Variants in CCDC7 observed in about 807,000 individuals in gnomAD.
The protein encoded by CCDC7 is coiled-coil domain containing 7.
CCDC7 carries 183 observed loss-of-function variants against 196.9 expected under a neutral mutation model. That is an observed-to-expected ratio of 0.93 (90% CI 0.82 to 1.05). The LOEUF (loss-of-function observed/expected upper bound fraction) is 1.05. CCDC7 is among the 50% of genes least tolerant of loss of function. The pLI, the probability that CCDC7 is intolerant of heterozygous loss-of-function variation, is 0.00. For synonymous variants in CCDC7, 525 were observed against 484.6 expected, an observed-to-expected ratio of 1.08 and a Z score of -1.10; for missense variants, 1,540 against 1,482.2, an observed-to-expected ratio of 1.04 and a Z score of -0.64.
exon 15 of CCDC7, chr10:32,567,808 C>A: frequency 6.2e-7 from 1 of 1,613,388 alleles, no homozygotes; most frequent in Non-Finnish European, 8.5e-7. Context: ...AAAAAATATA[C>A]CATTGGAGAA....
At chr10:32,773,927 GT>G (rs2079559860) in intron 28 of CCDC7, among the ~76,000 whole-genome samples, 1 of 152,100 alleles carries the variant, frequency 6.6e-6, no homozygotes, top group South Asian at 2.1e-4. Context: ...CTGCCCTGTT[GT>G]TTTCAAGTCT....
rs567652496 is a variant in CCDC7, at chr10:32,681,237, G to A, written c.2123-4733G>A. Among the ~76,000 whole-genome samples, 110 of 152,250 alleles carry A rather than the reference G, an allele frequency of 7.2e-4. 1 individual carries two copies. The highest frequency in any genetic ancestry group is 3.4e-3 in the Middle Eastern group (1 of 294). ...ATTTGTCAGTTAATATCTGAATTTTGTGGTGGGCCAATTGACTGGACCTGT... is the reference window on the plus strand; with the variant it reads ...ATTTGTCAGTTAATATCTGAATTTTATGGTGGGCCAATTGACTGGACCTGT... On this transcript the variant is annotated intron_variant, in intron 21 of 41. Coordinates refer to ENST00000639629, the Ensembl canonical transcript of CCDC7.
At position 32,845,842 on chromosome 10, in the gene CCDC7, A is replaced by G. The variant is rs752502168; in HGVS notation, c.3521-34A>G. 1.6e-5 allele frequency: 24 copies of G among 1,501,108 alleles called. No homozygotes were observed. In the South Asian group the frequency reaches 2.7e-4, roughly 17 times the overall value. 93.0% of individuals were successfully genotyped at this position (1,501,108 alleles called of 1,614,324 possible). On this transcript the variant is annotated intron_variant, in intron 35 of 41. Transcript: ENST00000639629. Reference sequence around the variant, plus strand: ...ACAGAGGTATGGTAATGTTTACCTTATAAAATATATTGAAATCTGTTTTAT... The same window carrying G: ...ACAGAGGTATGGTAATGTTTACCTTGTAAAATATATTGAAATCTGTTTTAT...
intron 8 of CCDC7, among the ~76,000 whole-genome samples, chr10:32,482,355 T>A (rs912771031): frequency 6.6e-6 from 1 of 151,060 alleles, no homozygotes; most frequent in Non-Finnish European, 1.5e-5. Context: ...TTTTATTCTT[T>A]ATTCTTTTTT....
intron 8 of CCDC7, among the ~76,000 whole-genome samples, chr10:32,485,696 GTCTTTGTTCTTGTTGGTTTCAAAGAACA>G: frequency 6.6e-6 from 1 of 152,280 alleles, no homozygotes; most frequent in South Asian, 2.1e-4. Context: ...AGGATGTTAT[GTCTTTGTTCTTGTTGGTTTCAAAGAACA>G]TCTTTATTCC....
intron 21 of CCDC7, among the ~76,000 whole-genome samples, chr10:32,668,940 G>A (rs889442430): frequency 2.0e-5 from 3 of 152,084 alleles, no homozygotes; most frequent in Non-Finnish European, 4.4e-5. Context: ...CTGTAGAATA[G>A]AAGTGGTAAG....
At position 32,452,038 on chromosome 10, in the gene CCDC7, T is replaced by C. The variant is rs1047115617; in HGVS notation, c.279+117T>C. The C allele has an allele frequency of 3.7e-6, 5 of 1,359,128 alleles. No individual in the cohort carries two copies. In the African/African-American group the frequency reaches 7.4e-5, roughly 20 times the overall value. 84.2% of individuals were successfully genotyped at this position (1,359,128 alleles called of 1,614,324 possible). On this transcript the variant is annotated intron_variant, in intron 1 of 41. Coordinates refer to ENST00000639629, the Ensembl canonical transcript of CCDC7. The stretch of plus-strand genomic sequence containing the variant: ...AGTCATACCGATGGCTAAGATTTAT[T>C]ACAGTAGGCACATGAGGTGAAATTA...
At chr10:32,704,678 C>CT (rs1163438035) in intron 24 of CCDC7, among the ~76,000 whole-genome samples, 4 of 152,118 alleles carry the variant, frequency 2.6e-5, no homozygotes, top group Admixed American at 1.3e-4. Context: ...ATCCCAGCCG[C>CT]TTTTTTTAGC....
intron 40 of CCDC7, among the ~76,000 whole-genome samples, chr10:32,852,462 TC>T (rs2093600053): frequency 6.6e-6 from 1 of 152,200 alleles, no homozygotes; most frequent in Non-Finnish European, 1.5e-5. Flanking sequence ...TGGTACATTT[TC>T]TACAGTTAAT....
chr10:32,879,583 C>T (rs779046910), downstream of CCDC7, among the ~76,000 whole-genome samples: 4 of 151,970 alleles, frequency 2.6e-5, no homozygotes, highest in East Asian at 1.9e-4. Context: ...TCCTCTTGAC[C>T]GAATGGAGGC....
chr10:32,821,766 A>G lies in CCDC7; in HGVS notation c.3182-2752A>G, dbSNP rs551292413. On this transcript the variant is annotated intron_variant, in intron 31 of 41. Coordinates refer to ENST00000639629, the Ensembl canonical transcript of CCDC7. Reference sequence around the variant, plus strand: ...CATAGGTGGGAATTGAACAATGAGAACACTTGGACACAGGAAGGGGAACAT... The same window carrying G: ...CATAGGTGGGAATTGAACAATGAGAGCACTTGGACACAGGAAGGGGAACAT... 8.5e-5 allele frequency among the ~76,000 whole-genome samples: 13 copies of G among 152,130 alleles called. No homozygotes were observed. The South Asian group carries it at 2.5e-3, about 29-fold the overall frequency.
intron 18 of CCDC7, among the ~76,000 whole-genome samples, chr10:32,603,733 C>T (rs1300073804): frequency 1.3e-5 from 2 of 151,888 alleles, no homozygotes; most frequent in African/African-American, 4.8e-5. Flanking sequence ...TAAATATTTG[C>T]TGCCTGCTTG....
Position 32,461,126 on chromosome 10 carries a change from A to C in CCDC7, c.457-1557A>C, listed in dbSNP as rs568021238. Among the ~76,000 whole-genome samples, 4 of 152,266 alleles carry C rather than the reference A, an allele frequency of 2.6e-5. No individual in the cohort carries two copies. In the South Asian group the frequency reaches 8.3e-4, roughly 31 times the overall value. The stretch of plus-strand genomic sequence containing the variant: ...GTAATCACTTTAACATTAGATATTT[A>C]AATGGTAAATACTGATATTTTGAAC... On this transcript the variant is annotated intron_variant, in intron 3 of 41. Coordinates refer to ENST00000639629, the Ensembl canonical transcript of CCDC7.
At chr10:32,654,731 T>TGAGGTTTGCTCAGAACTGACCCTGAG (rs1237039897) in intron 20 of CCDC7, among the ~76,000 whole-genome samples, 1 of 152,206 alleles carries the variant, frequency 6.6e-6, no homozygotes, top group Non-Finnish European at 1.5e-5. Flanking sequence ...CTTCATTTCC[T>TGAGGTTTGCTCAGAACTGACCCTGAG]GTTTGCTCAG....
intron 18 of CCDC7, among the ~76,000 whole-genome samples, chr10:32,600,687 C>G (rs193137442): frequency 6.6e-6 from 1 of 152,066 alleles, no homozygotes; most frequent in South Asian, 2.1e-4. Context: ...ATATTGCATA[C>G]CCAATAATGG....
intron 13 of CCDC7, among the ~76,000 whole-genome samples, chr10:32,555,344 C>T (rs1417208012): frequency 6.6e-6 from 1 of 151,494 alleles, no homozygotes; most frequent in Non-Finnish European, 1.5e-5. Flanking sequence ...CTCCTGGGTT[C>T]AAGTGATTCT....
At chr10:32,786,753 T>C (rs1450634301) in intron 29 of CCDC7, among the ~76,000 whole-genome samples, 1 of 151,872 alleles carries the variant, frequency 6.6e-6, no homozygotes, top group Non-Finnish European at 1.5e-5. Flanking sequence ...AGAGTGAGAC[T>C]CCATCAAAAC....
chr10:32,478,854 T>C (rs1324988294), intron 8 of CCDC7, among the ~76,000 whole-genome samples: 1 of 152,136 alleles, frequency 6.6e-6, no homozygotes, highest in Non-Finnish European at 1.5e-5. Flanking sequence ...GTTTCTGTCT[T>C]CTGGAAGAGA....
chr10:32,462,874 C>T, intron 4 of CCDC7, 143 bp from the exon 6 acceptor site: 1 of 1,349,594 alleles, frequency 7.4e-7, no homozygotes. Context: ...CATTCTGAAT[C>T]CCAAGTGATG....
Sources: allele counts gnomAD v4.1 joint callset (sites outside exome capture counted in the v4.1 genomes callset), GRCh38; gene constraint gnomAD v4.1.1; transcripts MANE v1.5; gene names NCBI Gene and HGNC (gene_info 2026-07-23, HGNC 2026-07-21).